ORC3: variants seen among roughly 807,000 people sequenced by gnomAD.
ORC3 encodes origin recognition complex subunit 3, also known as homolog of latheo, Drosophila.
ORC3 carries 78 observed loss-of-function variants against 100.7 expected under a neutral mutation model. The ratio of observed to expected loss-of-function variants is 0.77; its 90% CI spans 0.65 to 0.94. ORC3 has a LOEUF of 0.94. Ranked by LOEUF, ORC3 falls within the 40% of genes least tolerant of loss-of-function variation. The pLI, the probability that ORC3 is intolerant of heterozygous loss-of-function variation, is 0.00. For synonymous variants in ORC3, 295 were observed against 289.3 expected (o/e 1.02, Z -0.20); for missense variants, 789 against 823.9 (o/e 0.96, Z 0.52).
intron 12 of ORC3, among the ~76,000 whole-genome samples, chr6:87,635,595 G>T (rs369811445): frequency 1.3e-5 from 2 of 152,096 alleles, no homozygotes; most frequent in Non-Finnish European, 2.9e-5. Flanking sequence ...TCAGCAATTC[G>T]AGAACAGCCT....
At chr6:87,647,679 G>T (rs1420465372) in intron 13 of ORC3, among the ~76,000 whole-genome samples, 1 of 152,182 alleles carries the variant, frequency 6.6e-6, no homozygotes, top group Admixed American at 6.5e-5. Context: ...TACCTCAAAT[G>T]CCCAGAACAG....
At chr6:87,653,375 TGC>T in intron 14 of ORC3, 126 bp downstream of exon 14, 1 of 757,826 alleles carries the variant, frequency 1.3e-6, no homozygotes, top group Admixed American at 2.7e-5. Flanking sequence ...TCAGTCAGTA[TGC>T]CAAGCCTCAT....
chr6:87,613,729 C>T (rs559039623), intron 8 of ORC3, among the ~76,000 whole-genome samples: 4 of 152,282 alleles, frequency 2.6e-5, no homozygotes, highest in Admixed American at 6.5e-5. Flanking sequence ...TGAAATCCAG[C>T]GAGGTAGTCA....
intron 13 of ORC3, among the ~76,000 whole-genome samples, chr6:87,646,823 C>T (rs951690906): frequency 1.3e-5 from 2 of 152,214 alleles, no homozygotes; most frequent in African/African-American, 4.8e-5. Flanking sequence ...CTGTTATGTC[C>T]ATTTATGTCC....
At chr6:87,616,587 T>G (rs1226783702) in intron 9 of ORC3, among the ~76,000 whole-genome samples, 160 bp downstream of exon 9, 1 of 152,202 alleles carries the variant, frequency 6.6e-6, no homozygotes, top group Non-Finnish European at 1.5e-5. Flanking sequence ...TTTGTTACCT[T>G]GCAGCAAACT....
chr6:87,623,297 T>G, intron 11 of ORC3, among the ~76,000 whole-genome samples: 1 of 152,214 alleles, frequency 6.6e-6, no homozygotes, highest in East Asian at 1.9e-4. Context: ...AATAATCATT[T>G]TAGTAATCTC....
chr6:87,622,537 AG>A (rs1779610017), intron 11 of ORC3, among the ~76,000 whole-genome samples: 1 of 152,044 alleles, frequency 6.6e-6, no homozygotes. Context: ...CAAAAGAAGG[AG>A]GGCTTCTTTC....
intron 13 of ORC3, among the ~76,000 whole-genome samples, chr6:87,643,195 C>T (rs988589663): frequency 2.0e-5 from 3 of 151,976 alleles, no homozygotes; most frequent in Admixed American, 6.5e-5. Context: ...AGGTGGCTCA[C>T]GCCTGTAATC....
intron 9 of ORC3, among the ~76,000 whole-genome samples, chr6:87,618,033 C>A (rs531885581): frequency 6.6e-6 from 1 of 152,150 alleles, no homozygotes; most frequent in Non-Finnish European, 1.5e-5. Context: ...TCTTTAATTT[C>A]ATTTCATTCA....
intron 17 of ORC3, among the ~76,000 whole-genome samples, chr6:87,663,451 A>G (rs964623361): frequency 2.0e-5 from 3 of 152,244 alleles, no homozygotes; most frequent in Admixed American, 1.3e-4. Flanking sequence ...TGTGAAAATA[A>G]AAGAAATGTT....
intron 8 of ORC3, among the ~76,000 whole-genome samples, chr6:87,613,632 A>G (rs1583041570): frequency 6.6e-6 from 1 of 152,312 alleles, no homozygotes; most frequent in East Asian, 1.9e-4. Flanking sequence ...TCCTAGATAC[A>G]ATGGGGGTAC....
chr6:87,676,039 C>T, the ORC3 span: 1 of 846,024 alleles, frequency 1.2e-6, no homozygotes, highest in Non-Finnish European at 1.9e-6. Context: ...GACAAAATCA[C>T]TTACATAACC....
intron 9 of ORC3, among the ~76,000 whole-genome samples, 191 bp from the exon 10 acceptor site, chr6:87,621,163 T>C (rs1222483293): frequency 6.6e-6 from 1 of 151,316 alleles, no homozygotes. Context: ...CTTCACAGAA[T>C]TGGAACCTTA....
At chr6:87,666,462 G>C (rs1451318269) in intron 19 of ORC3, among the ~76,000 whole-genome samples, 5 of 119,752 alleles carry the variant, frequency 4.2e-5, no homozygotes, top group Non-Finnish European at 8.3e-5. Context: ...TTTTGAGACA[G>C]AGTTTTGCTA....
intron 2 of ORC3, among the ~76,000 whole-genome samples, chr6:87,599,351 T>TA (rs1212610657): frequency 9.4e-4 from 128 of 136,882 alleles, no homozygotes; most frequent in Admixed American, 2.0e-3. Flanking sequence ...GTCTCTTTTT[T>TA]TTATTATTTA....
intron 8 of ORC3, among the ~76,000 whole-genome samples, chr6:87,615,269 G>A (rs573390022): frequency 1.3e-5 from 2 of 152,222 alleles, no homozygotes; most frequent in South Asian, 4.1e-4. Context: ...CCATGATTCA[G>A]TTACCTCCCA....
chr6:87,611,390 C>T (rs536194476), intron 7 of ORC3, among the ~76,000 whole-genome samples: 9 of 152,220 alleles, frequency 5.9e-5, no homozygotes, highest in African/African-American at 1.7e-4. Flanking sequence ...GACTTAATGA[C>T]TACCTTAGCC....
chr6:87,623,636 C>T (rs573546808), intron 11 of ORC3, among the ~76,000 whole-genome samples: 3 of 152,302 alleles, frequency 2.0e-5, no homozygotes, highest in South Asian at 4.1e-4. Flanking sequence ...ATCATCCCAG[C>T]ACTCTATGAG....
chr6:87,642,391 G>A (rs1384496609), intron 13 of ORC3, among the ~76,000 whole-genome samples: 1 of 152,094 alleles, frequency 6.6e-6, no homozygotes, highest in Non-Finnish European at 1.5e-5. Flanking sequence ...AGGAGTTCGA[G>A]ACCAGCCTGG....
Sources: allele counts gnomAD v4.1 joint callset (sites outside exome capture counted in the v4.1 genomes callset), GRCh38; gene constraint gnomAD v4.1.1; transcripts MANE v1.5; gene names NCBI Gene and HGNC (gene_info 2026-07-23, HGNC 2026-07-21).